Variants in MPP7 observed in about 807,000 individuals in gnomAD.
MPP7 encodes MAGUK p55 subfamily member 7.
In MPP7, 60 loss-of-function variants were observed where a neutral mutation model predicts 76.5. The ratio of observed to expected loss-of-function variants is 0.78; its 90% CI spans 0.64 to 0.97. The LOEUF (loss-of-function observed/expected upper bound fraction) is 0.97, where lower values mean the gene tolerates loss of function less well. Ranked by LOEUF, MPP7 falls within the 50% of genes least tolerant of loss-of-function variation. The pLI, the probability that MPP7 is intolerant of heterozygous loss-of-function variation, is 0.00. For missense variants in MPP7, 641 were observed against 694.0 expected (o/e 0.92, Z 0.86); for synonymous variants, 237 against 244.5 (o/e 0.97, Z 0.29).
In MPP7 at chr10:28,125,057, G is replaced by A. The variant is rs763933529; in HGVS notation, c.482C>T (p.Ala161Val). ...TCTCATGATTCTGGCCACAATGATC[G>A]CCCCGGTCTGTTCATCCTTCTTAAT... ...ATIKKDEQTG[A>V]IIVARIMRGG... Residue 161 changes from alanine to valine, a missense_variant, in exon 7 of 17, where the codon GCG becomes GTG. Physicochemically the swap from Ala to Val is moderately conservative, Grantham distance 64. Coordinates refer to ENST00000683449, the MANE Select transcript of MPP7 (RefSeq NM_001318170.2). 13 of 1,613,796 alleles carry A rather than the reference G, an allele frequency of 8.1e-6. No individual in the cohort carries two copies. Among genetic ancestry groups the A allele is most frequent in the South Asian group, 3.3e-5 (3 of 91,082 alleles).
intron 13 of MPP7, among the ~76,000 whole-genome samples, chr10:28,062,425 C>G (rs956810612): frequency 3.3e-5 from 5 of 151,110 alleles, no homozygotes; most frequent in Non-Finnish European, 7.4e-5. Flanking sequence ...CTAAAATAAT[C>G]CAAAAGAAGG....
In MPP7 at chr10:28,286,180, T is replaced by C. The variant is rs561612992; in HGVS notation, c.-132+16681A>G. 1.2e-4 allele frequency among the ~76,000 whole-genome samples: 18 copies of C among 151,976 alleles called. No individual in the cohort carries two copies. In the South Asian group the frequency reaches 3.1e-3, roughly 26 times the overall value. ...TAACACAGTGAAACCTCGTCTCTAC[T>C]AAAAATACAGAAAAAATTAGCCAGG... On this transcript the variant is annotated intron_variant, in intron 1 of 16. Transcript: ENST00000683449.
rs770100022 is a variant in MPP7 at position 28,089,715 on chromosome 10, T to C, written c.1079A>G (p.Tyr360Cys). The C allele has an allele frequency of 6.2e-7, 1 of 1,613,842 alleles. No homozygotes were observed. Among genetic ancestry groups the C allele is most frequent in the African/African-American group, 1.3e-5 (1 of 74,944 alleles). Residue 360 changes from tyrosine to cysteine, a missense_variant, in exon 12 of 17, where the codon TAT (tyrosine) becomes TGT (cysteine). Transcript: ENST00000683449. Reference protein sequence around the residue: ...DVPTYEEVTPYRRQTNEKYRL... With the variant: ...DVPTYEEVTPCRRQTNEKYRL... ...GTATTTTTCATTAGTTTGTCGCCGATACGGTGTCACTTCTTCGTATGTGGG... is the reference window on the plus strand; with the variant it reads ...GTATTTTTCATTAGTTTGTCGCCGACACGGTGTCACTTCTTCGTATGTGGG...
intron 11 of MPP7, among the ~76,000 whole-genome samples, chr10:28,114,349 C>T (rs1269962702): frequency 6.6e-6 from 1 of 152,104 alleles, no homozygotes; most frequent in Non-Finnish European, 1.5e-5. Flanking sequence ...GAGTTCAAAG[C>T]TGCAGTCAGC....
At chr10:28,268,384 C>A (rs1197251674) in intron 1 of MPP7, among the ~76,000 whole-genome samples, 1 of 152,158 alleles carries the variant, frequency 6.6e-6, no homozygotes, top group African/African-American at 2.4e-5. Context: ...ACGTTGTAAG[C>A]CACTTTAAAT....
rs971675626 is a variant in MPP7 at position 28,184,416 on chromosome 10, G to A, written c.156+17737C>T. On this transcript the variant is annotated intron_variant, in intron 3 of 16. Transcript: ENST00000683449. ...ATATATTACAATATTAATATATTAA[G>A]ATACTATCTTGATCAGGCATGGTGG... 2.0e-5 allele frequency among the ~76,000 whole-genome samples: 3 copies of A among 148,104 alleles called. No individual in the cohort carries two copies. In the Admixed American group the frequency reaches 2.0e-4, roughly 10 times the overall value.
intron 1 of MPP7, among the ~76,000 whole-genome samples, chr10:28,287,688 G>C (rs1840820722): frequency 6.6e-6 from 1 of 152,162 alleles, no homozygotes; most frequent in Non-Finnish European, 1.5e-5. Context: ...TCTCAATAAA[G>C]CTGGAGGGGA....
chr10:28,283,643 T>C (rs1046748881), intron 1 of MPP7, among the ~76,000 whole-genome samples: 1 of 151,986 alleles, frequency 6.6e-6, no homozygotes, highest in South Asian at 2.1e-4. Flanking sequence ...GCCTCCCAAG[T>C]AGCTGGGATT....
intron 3 of MPP7, among the ~76,000 whole-genome samples, chr10:28,193,503 G>A (rs546764317): frequency 6.6e-6 from 1 of 152,212 alleles, no homozygotes; most frequent in African/African-American, 2.4e-5. Flanking sequence ...GAGTCACCAT[G>A]ACTGGCCTGA....
At chr10:28,218,235 C>T (rs1434673136) in intron 2 of MPP7, among the ~76,000 whole-genome samples, 4 of 151,942 alleles carry the variant, frequency 2.6e-5, no homozygotes, top group Non-Finnish European at 4.4e-5. Context: ...GGAAAGGAGT[C>T]GGGGGTAGGG....
intron 1 of MPP7, among the ~76,000 whole-genome samples, chr10:28,334,121 A>G (rs1277720180): frequency 6.6e-6 from 1 of 152,110 alleles, no homozygotes; most frequent in African/African-American, 2.4e-5. Flanking sequence ...GAATTGCTTG[A>G]ACCCAGGAGG....
intron 3 of MPP7, among the ~76,000 whole-genome samples, chr10:28,173,177 T>C (rs4749313): frequency 0.17 from 24,341 of 146,686 alleles, 2,291 homozygotes; most frequent in East Asian, 0.38. Context: ...AGGGCAGGAA[T>C]ACTAAAGCAC....
chr10:28,106,421 C>T (rs1272327105), intron 11 of MPP7, among the ~76,000 whole-genome samples: 1 of 152,136 alleles, frequency 6.6e-6, no homozygotes, highest in Non-Finnish European at 1.5e-5. Context: ...TTGGCATCTC[C>T]AAACTGGAGA....
rs376418340 is a variant in MPP7 at position 28,169,979 on chromosome 10, G to A, written c.157-19920C>T. ...AGATTTTTTTAAGTGGCGATAGAAA[G>A]CACTTTTTATTTGTTTCTTATTTTT... On this transcript the variant is annotated intron_variant, in intron 3 of 16. Transcript: ENST00000683449. 4.6e-5 allele frequency among the ~76,000 whole-genome samples: 7 copies of A among 152,112 alleles called. No homozygotes were observed. In the East Asian group the frequency reaches 1.2e-3, roughly 25 times the overall value.
intron 4 of MPP7, among the ~76,000 whole-genome samples, chr10:28,147,812 A>G (rs1194815985): frequency 6.6e-6 from 1 of 152,182 alleles, no homozygotes; most frequent in Non-Finnish European, 1.5e-5. Flanking sequence ...CTTCTGATTT[A>G]TTGCAAGGAG....
chr10:28,179,285 GC>G (rs1253055059), intron 3 of MPP7, among the ~76,000 whole-genome samples: 1 of 151,900 alleles, frequency 6.6e-6, no homozygotes, highest in Non-Finnish European at 1.5e-5. Flanking sequence ...CCCCTTCTCT[GC>G]CCCTTATACA....
chr10:28,284,118 G>C (rs777113813), intron 1 of MPP7, among the ~76,000 whole-genome samples: 7 of 152,050 alleles, frequency 4.6e-5, no homozygotes, highest in Non-Finnish European at 8.8e-5. Flanking sequence ...ACAGATCTTG[G>C]TGGTGAGATT....
intron 2 of MPP7, among the ~76,000 whole-genome samples, chr10:28,206,549 G>A (rs1458709055): frequency 1.3e-5 from 2 of 151,930 alleles, no homozygotes; most frequent in African/African-American, 2.4e-5. Flanking sequence ...TACCTATGAG[G>A]TAAAATATAT....
intron 2 of MPP7, among the ~76,000 whole-genome samples, chr10:28,317,640 C>T (rs1834335781): frequency 4.6e-5 from 7 of 152,084 alleles, no homozygotes; most frequent in Admixed American, 4.6e-4. Context: ...TTAAATAAAA[C>T]CATATTAAAG....
Sources: allele counts gnomAD v4.1 joint callset (sites outside exome capture counted in the v4.1 genomes callset), GRCh38; gene constraint gnomAD v4.1.1; transcripts MANE v1.5; gene names NCBI Gene and HGNC (gene_info 2026-07-23, HGNC 2026-07-21).